The following CLSTN2 variants were observed in gnomAD, a reference collection of about 807,000 sequenced individuals.
CLSTN2 encodes calsyntenin 2.
In CLSTN2, 48 loss-of-function variants were observed where a neutral mutation model predicts 101.2. The observed-to-expected ratio is 0.47, with a 90% CI of 0.38 to 0.60. The LOEUF (loss-of-function observed/expected upper bound fraction) is 0.60. Among genes scored for constraint, CLSTN2 ranks in the 20% least tolerant of loss-of-function variants. The probability of loss-of-function intolerance (pLI) is 0.00; values close to 1 mark genes in which losing one functional copy is unlikely to be tolerated. For synonymous variants in CLSTN2, 481 were observed against 463.6 expected (o/e 1.04, Z -0.48); for missense variants, 1,160 against 1,238.2 (o/e 0.94, Z 0.95).
chr3:140,210,550 G>T (rs192947994), intron 2 of CLSTN2, among the ~76,000 whole-genome samples: 1 of 152,198 alleles, frequency 6.6e-6, no homozygotes, highest in Admixed American at 6.5e-5. Flanking sequence ...TGGTTTTCTC[G>T]TGTTATACTG....
At chr3:140,548,912 A>G (rs1935656750) in intron 10 of CLSTN2, among the ~76,000 whole-genome samples, 1 of 151,560 alleles carries the variant, frequency 6.6e-6, no homozygotes, top group Non-Finnish European at 1.5e-5. Context: ...TGGGAGGAGT[A>G]CAAAAGTCAT....
chr3:140,054,058 C>G (rs569887876), intron 1 of CLSTN2, among the ~76,000 whole-genome samples: 7 of 152,132 alleles, frequency 4.6e-5, no homozygotes, highest in Non-Finnish European at 8.8e-5. Flanking sequence ...ATGTTTAACT[C>G]TCACAGGGCA....
At chr3:140,113,889 C>T (rs1478671870) in intron 1 of CLSTN2, among the ~76,000 whole-genome samples, 2 of 152,126 alleles carry the variant, frequency 1.3e-5, no homozygotes, top group African/African-American at 2.4e-5. Flanking sequence ...TGATATTCTA[C>T]ACATGTGAAT....
At position 140,511,180 on chromosome 3, in the gene CLSTN2, C is replaced by T. The variant is rs9870142; in HGVS notation, c.1345-21144C>T. Among the ~76,000 whole-genome samples, 197 of 152,236 alleles carry T rather than the reference C, an allele frequency of 1.3e-3. 2 individuals carry two copies. Among genetic ancestry groups the T allele is most frequent in the African/African-American group, 4.6e-3 (190 of 41,536 alleles). On this transcript the variant is annotated intron_variant, in intron 8 of 16. Transcript: ENST00000458420. Reference sequence around the variant, plus strand: ...TAATGGCTTCCAACTCCATCCATGTCGCTGCAAAGGACATGATCTCACTCC... The same window carrying T: ...TAATGGCTTCCAACTCCATCCATGTTGCTGCAAAGGACATGATCTCACTCC...
At chr3:140,429,010 T>C (rs1235685943) in intron 5 of CLSTN2, among the ~76,000 whole-genome samples, 5 of 152,128 alleles carry the variant, frequency 3.3e-5, no homozygotes, top group Admixed American at 3.3e-4. Flanking sequence ...ACTAAGACCA[T>C]GCGGAAAATA....
chr3:140,357,179 C>T (rs1013641688), intron 2 of CLSTN2, among the ~76,000 whole-genome samples: 5 of 152,144 alleles, frequency 3.3e-5, no homozygotes, highest in Admixed American at 2.0e-4. Context: ...AGTGAAGGGT[C>T]GGGAATATAG....
At chr3:139,958,969 C>T (rs567146624) in intron 1 of CLSTN2, among the ~76,000 whole-genome samples, 5 of 151,594 alleles carry the variant, frequency 3.3e-5, no homozygotes, top group African/African-American at 1.2e-4. Context: ...TGGGAAACTA[C>T]GTCCTCCAGA....
intron 2 of CLSTN2, among the ~76,000 whole-genome samples, chr3:140,396,464 TA>T (rs2088184315): frequency 6.6e-6 from 1 of 152,120 alleles, no homozygotes; most frequent in African/African-American, 2.4e-5. Context: ...TTCAATATAA[TA>T]ACAGGGAAGA....
At chr3:140,320,838 C>T (rs1481870998) in intron 2 of CLSTN2, among the ~76,000 whole-genome samples, 3 of 151,994 alleles carry the variant, frequency 2.0e-5, no homozygotes, top group African/African-American at 4.8e-5. Context: ...ACATAGACAG[C>T]GGCAGTGAGG....
chr3:140,012,933 C>T (rs557072506), intron 1 of CLSTN2, among the ~76,000 whole-genome samples: 1,600 of 29,380 alleles, frequency 0.054, 33 homozygotes, highest in African/African-American at 0.073. Flanking sequence ...TGGCTGGACA[C>T]AGAGACATGA....
At position 140,321,500 on chromosome 3, in the gene CLSTN2, T is replaced by G. The variant is rs2087282543; in HGVS notation, c.233-82129T>G. On this transcript the variant is annotated intron_variant, in intron 2 of 16. Transcript: ENST00000458420. ...TACACCCTCAGGTGTGGATTCATGC[T>G]CAGGTCCCCTGCCCTAAGCTGGAGA... Among the ~76,000 whole-genome samples, 3 of 152,178 alleles carry G rather than the reference T, an allele frequency of 2.0e-5. No individual in the cohort carries two copies. The South Asian group carries it at 6.2e-4, about 31-fold the overall frequency.
intron 1 of CLSTN2, among the ~76,000 whole-genome samples, chr3:139,954,719 C>T (rs1222987406): frequency 2.0e-5 from 3 of 152,112 alleles, no homozygotes; most frequent in Non-Finnish European, 4.4e-5. Context: ...CTGTCTTCAC[C>T]ACTTCCTTTG....
At position 140,062,767 on chromosome 3, in the gene CLSTN2, T is replaced by C. The variant is rs531478938; in HGVS notation, c.110-113184T>C. On this transcript the variant is annotated intron_variant, in intron 1 of 16. Transcript: ENST00000458420. ...TTGGGTTCTTGTCCCAGCTCTGCTG[T>C]GTGACCTTGAGTGAATCACATCTCT... Among the ~76,000 whole-genome samples, 53 of 152,256 alleles carry C rather than the reference T, an allele frequency of 3.5e-4. 1 individual carries two copies. The highest frequency in any genetic ancestry group is 2.9e-3 in the South Asian group (14 of 4,822).
intron 2 of CLSTN2, among the ~76,000 whole-genome samples, chr3:140,399,376 T>C (rs2088216832): frequency 6.6e-6 from 1 of 152,254 alleles, no homozygotes; most frequent in Admixed American, 6.5e-5. Flanking sequence ...GAACTGCTGT[T>C]TTAAATATCT....
chr3:139,962,884 CT>C (rs1338732184), intron 1 of CLSTN2, among the ~76,000 whole-genome samples: 3 of 152,080 alleles, frequency 2.0e-5, no homozygotes, highest in Admixed American at 2.0e-4. Flanking sequence ...TGAACATATG[CT>C]TTAATTTCCC....
At chr3:140,068,194 T>C (rs1441109988) in intron 1 of CLSTN2, among the ~76,000 whole-genome samples, 2 of 152,208 alleles carry the variant, frequency 1.3e-5, no homozygotes, top group Non-Finnish European at 1.5e-5. Context: ...TGGGGACACA[T>C]TGCAGCCAGG....
At chr3:140,120,479 C>T (rs771505347) in intron 1 of CLSTN2, among the ~76,000 whole-genome samples, 1 of 152,086 alleles carries the variant, frequency 6.6e-6, no homozygotes, top group Non-Finnish European at 1.5e-5. Flanking sequence ...TTTATGAAGG[C>T]TTCATTATAT....
At chr3:140,131,582 C>A (rs1441103508) in intron 1 of CLSTN2, among the ~76,000 whole-genome samples, 1 of 152,102 alleles carries the variant, frequency 6.6e-6, no homozygotes, top group Non-Finnish European at 1.5e-5. Flanking sequence ...AACAGGCAGA[C>A]CTACTTCGGC....
chr3:140,291,249 G>A (rs980407613), intron 2 of CLSTN2, among the ~76,000 whole-genome samples: 1 of 152,068 alleles, frequency 6.6e-6, no homozygotes, highest in African/African-American at 2.4e-5. Context: ...ACTCTCCAAT[G>A]CCTTGCGTAC....
Sources: gnomAD v4.1 joint callset for allele counts (sites outside exome capture counted in the v4.1 genomes callset) on GRCh38, gnomAD v4.1.1 for gene constraint, MANE v1.5 for transcripts, NCBI Gene and HGNC (gene_info 2026-07-23, HGNC 2026-07-21) for gene names.